The following ATP2C1 variants were observed in gnomAD, a reference collection of about 807,000 sequenced individuals.
The protein encoded by ATP2C1 is ATPase secretory pathway Ca2+ transporting 1, also known as calcium-transporting ATPase type 2C member 1.
In ATP2C1, 31 loss-of-function variants were observed where a neutral mutation model predicts 120.5. The observed-to-expected ratio is 0.26, with a 90% CI of 0.19 to 0.35. The LOEUF (loss-of-function observed/expected upper bound fraction) is 0.35. Ranked by LOEUF, ATP2C1 falls within the 10% of genes least tolerant of loss-of-function variation. The pLI, the probability that ATP2C1 is intolerant of heterozygous loss-of-function variation, is 1.00. For missense variants in ATP2C1, 731 were observed against 1,107.5 expected (o/e 0.66, Z 4.83); for synonymous variants, 351 against 358.7 (o/e 0.98, Z 0.24).
intron 2 of ATP2C1, among the ~76,000 whole-genome samples, chr3:130,915,180 G>A (rs376968062): frequency 1.2e-4 from 18 of 151,168 alleles, no homozygotes; most frequent in Admixed American, 2.6e-4. Flanking sequence ...TGCAACCTCC[G>A]CCTCCTGGGT....
chr3:130,895,321 C>T (rs914700782), intron 2 of ATP2C1, among the ~76,000 whole-genome samples: 1 of 152,156 alleles, frequency 6.6e-6, no homozygotes, highest in Non-Finnish European at 1.5e-5. Flanking sequence ...CTTAAAGTTC[C>T]ACCCTATTTC....
intron 6 of ATP2C1, among the ~76,000 whole-genome samples, chr3:130,937,866 A>G (rs929909790): frequency 3.3e-5 from 5 of 152,238 alleles, no homozygotes; most frequent in African/African-American, 1.2e-4. Flanking sequence ...ATGAAACAAA[A>G]AAGTATAGAA....
chr3:130,959,794 CAA>C (rs796636555), intron 12 of ATP2C1, among the ~76,000 whole-genome samples: 1 of 151,760 alleles, frequency 6.6e-6, no homozygotes, highest in African/African-American at 2.4e-5. Context: ...GATCAGAGAA[CAA>C]AAAGAGTTTT....
intron 20 of ATP2C1, among the ~76,000 whole-genome samples, chr3:130,992,521 T>C (rs2062404529): frequency 6.6e-6 from 1 of 152,206 alleles, no homozygotes; most frequent in African/African-American, 2.4e-5. Flanking sequence ...CACTTGACAC[T>C]GTAAAAAATG....
At position 130,950,036 on chromosome 3, in the gene ATP2C1, C is replaced by A. The variant is rs142183958; in HGVS notation, c.532-3785C>A. On this transcript the variant is annotated intron_variant, in intron 8 of 27. Transcript: ENST00000510168. ...AGCTTAAGAACTTATTTGTAGCTGC[C>A]AGTTGTTCCATATTAACCTGAATTT... 6.6e-5 allele frequency among the ~76,000 whole-genome samples: 10 copies of A among 152,192 alleles called. No homozygotes were observed. The East Asian group carries it at 1.7e-3, about 26-fold the overall frequency.
chr3:130,935,875 C>G (rs1242881600), intron 5 of ATP2C1, among the ~76,000 whole-genome samples: 2 of 152,076 alleles, frequency 1.3e-5, no homozygotes, highest in African/African-American at 4.8e-5. Context: ...ATGCATGAAA[C>G]TCTTTTGTAT....
chr3:130,952,075 C>T (rs908464140), intron 8 of ATP2C1, among the ~76,000 whole-genome samples: 18 of 152,274 alleles, frequency 1.2e-4, no homozygotes, highest in African/African-American at 4.3e-4. Flanking sequence ...AGCCTTGGAG[C>T]TCTCAGGTCT....
At chr3:130,865,668 T>C (rs987479953) in intron 1 of ATP2C1, among the ~76,000 whole-genome samples, 2 of 152,174 alleles carry the variant, frequency 1.3e-5, no homozygotes, top group African/African-American at 4.8e-5. Flanking sequence ...GTCTGATGGG[T>C]TTATCAGGGG....
At chr3:130,940,563 TTAA>T (rs2108440462) in intron 6 of ATP2C1, 64 bp from the exon 7 acceptor site, 2 of 1,031,806 alleles carry the variant, frequency 1.9e-6, no homozygotes, top group East Asian at 5.0e-5. Flanking sequence ...ATGATTGAGA[TTAA>T]TAAGTCTAAA....
chr3:130,878,498 G>A (rs542721650), intron 1 of ATP2C1, among the ~76,000 whole-genome samples: 2 of 152,102 alleles, frequency 1.3e-5, no homozygotes, highest in Admixed American at 1.3e-4. Context: ...TTACACTATT[G>A]TGTGTTTTCT....
intron 2 of ATP2C1, among the ~76,000 whole-genome samples, chr3:130,926,079 CAT>C (rs1366416832): frequency 1.3e-5 from 2 of 152,168 alleles, no homozygotes; most frequent in African/African-American, 4.8e-5. Context: ...CAAATGGACT[CAT>C]AGTTTTTAGG....
chr3:130,959,556 G>A, intron 12 of ATP2C1: 1 of 309,288 alleles, frequency 3.2e-6, no homozygotes, highest in Admixed American at 4.4e-5. Context: ...CTAGATGTCT[G>A]GAATTACTAA....
At chr3:130,885,540 A>G (rs1288078114) in intron 1 of ATP2C1, among the ~76,000 whole-genome samples, 1 of 152,060 alleles carries the variant, frequency 6.6e-6, no homozygotes, top group Non-Finnish European at 1.5e-5. Flanking sequence ...TGCAAATACT[A>G]TCTTATAACC....
At position 130,996,091 on chromosome 3, in the gene ATP2C1, C is replaced by T. The variant is rs2062610077; in HGVS notation, c.2106C>T (p.Phe702=). The stretch of plus-strand genomic sequence containing the variant: ...GGATTTATAATAACATTAAAAATTT[C>T]GTTAGATTCCAGCTGAGCACGTAAG... ...GKGIYNNIKN[F]VRFQLSTSIA... The change falls in exon 23 of 28, where the codon TTC becomes TTT. Residue 702 remains phenylalanine (F), a synonymous_variant. Coordinates refer to ENST00000510168, the MANE Select transcript of ATP2C1 (RefSeq NM_001378687.1). 2 of 1,611,550 alleles carry T rather than the reference C, an allele frequency of 1.2e-6. No individual in the cohort carries two copies. The highest frequency in any genetic ancestry group is 1.7e-6 in the Non-Finnish European group (2 of 1,177,840).
intron 1 of ATP2C1, among the ~76,000 whole-genome samples, chr3:130,856,697 G>T (rs762192226): frequency 6.6e-6 from 1 of 152,162 alleles, no homozygotes; most frequent in African/African-American, 2.4e-5. Flanking sequence ...TACAGACAAA[G>T]CTCCCTAATG....
intron 1 of ATP2C1, among the ~76,000 whole-genome samples, chr3:130,887,257 G>A (rs547680369): frequency 6.6e-6 from 1 of 152,324 alleles, no homozygotes; most frequent in East Asian, 1.9e-4. Flanking sequence ...TCACTACTGG[G>A]ACTGTGCTGG....
At chr3:130,967,089 G>T in intron 14 of ATP2C1, 56 bp from the exon 15 acceptor site, 1 of 1,344,654 alleles carries the variant, frequency 7.4e-7, no homozygotes, top group East Asian at 2.3e-5. Context: ...TATAGGTCTT[G>T]TCACCACCAA....
intron 11 of ATP2C1, among the ~76,000 whole-genome samples, chr3:130,958,597 G>A (rs765462179): frequency 1.3e-4 from 19 of 151,980 alleles, no homozygotes; most frequent in Admixed American, 3.3e-4. Context: ...CAAACCTCTC[G>A]TGAATCTGTT....
intron 26 of ATP2C1, chr3:131,016,041 T>G (rs932217093): frequency 1.6e-6 from 2 of 1,274,872 alleles, no homozygotes; most frequent in Admixed American, 4.4e-5. Flanking sequence ...TTTTTTGTTT[T>G]GGTTTTTTTT....
Sources: allele counts gnomAD v4.1 joint callset (sites outside exome capture counted in the v4.1 genomes callset), GRCh38; gene constraint gnomAD v4.1.1; transcripts MANE v1.5; gene names NCBI Gene and HGNC (gene_info 2026-07-23, HGNC 2026-07-21).